The following CTNNA3 variants were observed in gnomAD, a reference collection of about 807,000 sequenced individuals.
CTNNA3 encodes catenin alpha-3.
A neutral mutation model predicts 95.7 loss-of-function variants in CTNNA3; 76 were observed. The ratio of observed to expected loss-of-function variants is 0.79; its 90% confidence interval spans 0.66 to 0.96. The LOEUF (loss-of-function observed/expected upper bound fraction) is 0.96. Ranked by LOEUF, CTNNA3 falls within the 40% of genes least tolerant of loss-of-function variation. CTNNA3 has a pLI of 0.00. For synonymous variants in CTNNA3, 431 were observed against 374.4 expected (o/e 1.15, Z -1.74); for missense variants, 1,191 against 1,089.8 (o/e 1.09, Z -1.31).
intron 14 of CTNNA3, among the ~76,000 whole-genome samples, chr10:66,081,396 GA>G (rs2080755896): frequency 6.6e-6 from 1 of 152,106 alleles, no homozygotes; most frequent in Non-Finnish European, 1.5e-5. Context: ...GGGACTGCTT[GA>G]AGCCAGGAGT....
chr10:67,195,442 A>G (rs914283593), intron 6 of CTNNA3, among the ~76,000 whole-genome samples: 1 of 146,376 alleles, frequency 6.8e-6, no homozygotes, highest in Non-Finnish European at 1.5e-5. Context: ...GAATGAGGAA[A>G]ATAAAATCTA....
At chr10:67,119,366 T>G (rs1461533385) in intron 7 of CTNNA3, among the ~76,000 whole-genome samples, 5 of 151,854 alleles carry the variant, frequency 3.3e-5, no homozygotes, top group Non-Finnish European at 5.9e-5. Context: ...GCTATACATC[T>G]TCTCTACATC....
At chr10:66,069,204 ACCTGATTTT>A in intron 15 of CTNNA3, 95 bp downstream of exon 15, 1 of 1,084,256 alleles carries the variant, frequency 9.2e-7, no homozygotes, top group Non-Finnish European at 1.4e-6. Flanking sequence ...TTCCCCTACC[ACCTGATTTT>A]TGGCACTTGA....
intron 17 of CTNNA3, among the ~76,000 whole-genome samples, chr10:65,924,808 C>A (rs2133120097): frequency 6.6e-6 from 1 of 152,248 alleles, no homozygotes; most frequent in East Asian, 1.9e-4. Context: ...GCTAGGGAGG[C>A]CTCACAATCA....
intron 8 of CTNNA3, among the ~76,000 whole-genome samples, chr10:66,775,181 C>A (rs928083643): frequency 7.9e-5 from 12 of 151,994 alleles, no homozygotes; most frequent in Admixed American, 1.3e-4. Context: ...AAATATGTGC[C>A]GAAGATCTCA....
At chr10:67,358,367 G>GAAAC (rs1842886944) in intron 5 of CTNNA3, among the ~76,000 whole-genome samples, 1 of 152,100 alleles carries the variant, frequency 6.6e-6, no homozygotes, top group South Asian at 2.1e-4. Flanking sequence ...ACACAGCCAG[G>GAAAC]AAACATCTGT....
At chr10:66,239,038 C>T (rs966576784) in intron 13 of CTNNA3, among the ~76,000 whole-genome samples, 13 of 151,644 alleles carry the variant, frequency 8.6e-5, no homozygotes, top group African/African-American at 3.1e-4. Context: ...TATATGACAG[C>T]ATCTATCAGA....
chr10:67,205,117 TG>T (rs1353187319), intron 6 of CTNNA3, among the ~76,000 whole-genome samples: 3 of 152,154 alleles, frequency 2.0e-5, no homozygotes, highest in Non-Finnish European at 4.4e-5. Context: ...CAGTTTAGTT[TG>T]GGGGAAGGGT....
intron 5 of CTNNA3, among the ~76,000 whole-genome samples, chr10:67,323,847 T>C (rs566833955): frequency 1.2e-4 from 18 of 152,196 alleles, no homozygotes; most frequent in Non-Finnish European, 2.4e-4. Context: ...GCATAGAATG[T>C]TTTTCGATTT....
chr10:66,417,092 CTGAA>C (rs2093152945), intron 11 of CTNNA3, among the ~76,000 whole-genome samples: 1 of 151,916 alleles, frequency 6.6e-6, no homozygotes, highest in Admixed American at 6.6e-5. Context: ...AAGCTATAGA[CTGAA>C]TGAATGGATT....
chr10:66,403,046 C>A (rs1329353234), intron 11 of CTNNA3, among the ~76,000 whole-genome samples: 3 of 152,290 alleles, frequency 2.0e-5, no homozygotes, highest in African/African-American at 7.2e-5. Flanking sequence ...ATCGTTGAAT[C>A]TACCTATGAC....
At chr10:66,957,280 T>C (rs980751966) in intron 7 of CTNNA3, among the ~76,000 whole-genome samples, 1 of 151,726 alleles carries the variant, frequency 6.6e-6, no homozygotes, top group Non-Finnish European at 1.5e-5. Context: ...CTAAATTTAC[T>C]ATTTGCTCAT....
intron 13 of CTNNA3, among the ~76,000 whole-genome samples, chr10:66,241,455 C>T (rs1420302970): frequency 6.6e-6 from 1 of 152,122 alleles, no homozygotes; most frequent in African/African-American, 2.4e-5. Flanking sequence ...TACAAATTTC[C>T]TTCAAATGGT....
intron 5 of CTNNA3, among the ~76,000 whole-genome samples, chr10:67,359,390 TA>T (rs1842922486): frequency 6.6e-6 from 1 of 151,916 alleles, no homozygotes; most frequent in Non-Finnish European, 1.5e-5. Flanking sequence ...CTAACTAGAT[TA>T]AAATGTGGAA....
rs201183729 is a variant in CTNNA3, at chr10:66,931,500, ACTAC to A, written c.1048-155980_1048-155977del. The stretch of plus-strand genomic sequence containing the variant: ...ATTTTTTACTTGATTTGGTGAGTGA[ACTAC>A]CTAAGTAGACAGGCAGTAAATTGTC... On this transcript the variant is annotated intron_variant, in intron 7 of 17. Coordinates refer to ENST00000433211, the MANE Select transcript of CTNNA3 (RefSeq NM_013266.4). Among the ~76,000 whole-genome samples the A allele has an allele frequency of 5.8e-3, 891 of 152,308 alleles. 6 individuals carry two copies. The highest frequency in any genetic ancestry group is 0.02 in the African/African-American group (834 of 41,566).
chr10:67,278,035 T>C (rs889386727), intron 5 of CTNNA3, among the ~76,000 whole-genome samples: 6 of 152,310 alleles, frequency 3.9e-5, no homozygotes, highest in Non-Finnish European at 8.8e-5. Context: ...TTGCTTTCAC[T>C]GTACTTTATG....
Position 66,447,231 on chromosome 10 carries a change from G to A in CTNNA3, c.1532-67879C>T, listed in dbSNP as rs185339369. Among the ~76,000 whole-genome samples the A allele has an allele frequency of 7.9e-5, 12 of 152,152 alleles. 1 individual carries two copies. Among genetic ancestry groups the A allele is most frequent in the African/African-American group, 2.4e-4 (10 of 41,494 alleles). ...CTCATGGGTAGGAAGAATCAATATC[G>A]TGAAAATGGCCATACTGGCCAGGTA... On this transcript the variant is annotated intron_variant, in intron 11 of 17. Coordinates refer to ENST00000433211, the MANE Select transcript of CTNNA3 (RefSeq NM_013266.4).
At chr10:66,632,866 AAGG>A (rs1455397618) in intron 9 of CTNNA3, among the ~76,000 whole-genome samples, 13 of 152,252 alleles carry the variant, frequency 8.5e-5, no homozygotes, top group African/African-American at 3.1e-4. Context: ...ATAAGGAAAA[AAGG>A]CCATTAAAAA....
chr10:67,287,634 G>A (rs554168089), intron 5 of CTNNA3, among the ~76,000 whole-genome samples: 5 of 152,226 alleles, frequency 3.3e-5, no homozygotes, highest in South Asian at 4.2e-4. Flanking sequence ...GCCAATGTGC[G>A]TCCTCCAAAT....
Sources: gnomAD v4.1 joint callset for allele counts (sites outside exome capture counted in the v4.1 genomes callset) on GRCh38, gnomAD v4.1.1 for gene constraint, MANE v1.5 for transcripts, NCBI Gene and HGNC (gene_info 2026-07-23, HGNC 2026-07-21) for gene names.